Variants in EGR1 observed in about 807,000 individuals in gnomAD.
EGR1 encodes the protein early growth response protein 1.
EGR1 carries 8 observed loss-of-function variants against 30.2 expected under a neutral mutation model. The observed-to-expected ratio is 0.26, with a 90% CI of 0.16 to 0.48. EGR1 has a LOEUF of 0.48. EGR1 is among the 20% of genes least tolerant of loss of function. The pLI is 0.99. For missense variants in EGR1, 568 were observed against 732.3 expected (o/e 0.78, Z 2.59); for synonymous variants, 334 against 312.8 (o/e 1.07, Z -0.72).
Position 138,468,248 on chromosome 5 carries a change from T to G in EGR1, c.*167T>G. 1 of 1,435,378 alleles carries G rather than the reference T, an allele frequency of 7.0e-7. No homozygotes were observed. Among genetic ancestry groups the G allele is most frequent in the South Asian group, 1.2e-5 (1 of 80,756 alleles). 88.9% of individuals were successfully genotyped at this position (1,435,378 alleles called of 1,614,324 possible). ...GAGTGGAAGGTCTATTGGCCAACAA[T>G]CCTTTCTGCCCACTTCCCCTTCCCC... On this transcript the variant is annotated 3_prime_UTR_variant, in exon 2 of 2. Transcript: ENST00000239938.
chr5:138,466,431 G>T (rs1418535001), intron 1 of EGR1, among the ~76,000 whole-genome samples: 3 of 152,232 alleles, frequency 2.0e-5, no homozygotes, highest in Non-Finnish European at 4.4e-5. Context: ...CTTGGCCGTG[G>T]ATGTCCCGGC....
chr5:138,467,883 C>T lies in EGR1; in HGVS notation c.1434C>T (p.Gly478=), dbSNP rs777227296. 4.3e-6 allele frequency: 7 copies of T among 1,613,796 alleles called. No individual in the cohort carries two copies. Among genetic ancestry groups the T allele is most frequent in the East Asian group, 4.5e-5 (2 of 44,874 alleles). ...TGCCCACCTCCTTCTCCTCTCCCGG[C>T]TCCTCGACCTACCCATCCCCTGTGC... ...SPVPTSFSSP[G]SSTYPSPVHS... is the part of the protein sequence containing the mutation. Residue 478 remains glycine (G), a synonymous_variant, in exon 2 of 2, where the codon GGC becomes GGT. Coordinates refer to ENST00000239938, the MANE Select transcript of EGR1 (RefSeq NM_001964.3). This position sits in a 1 kb window ranked among gnomAD's most constrained non-coding sequence, Gnocchi z 8.3.
Position 138,466,986 on chromosome 5 carries a change from C to A in EGR1, c.537C>A (p.Ala179=). 6.2e-7 allele frequency: 1 copy of A among 1,613,976 alleles called. No individual in the cohort carries two copies. Among genetic ancestry groups the A allele is most frequent in the Non-Finnish European group, 8.5e-7 (1 of 1,180,004 alleles). ...CGTCCTCAGCACCATCTCCAGCGGC[C>A]TCCTCCGCCTCCGCCTCCCAGAGCC... The part of the protein sequence containing the change: ...ASSSSAPSPA[A]SSASASQSPP... The change falls in exon 2 of 2, where the codon GCC becomes GCA. Residue 179 remains alanine (A), a synonymous_variant. Coordinates refer to ENST00000239938, the MANE Select transcript of EGR1 (RefSeq NM_001964.3).
rs1350062798 is a variant in EGR1 at position 138,468,090 on chromosome 5, G to C, written c.*9G>C. 6.5e-7 allele frequency: 1 copy of C among 1,548,714 alleles called. No homozygotes were observed. Among genetic ancestry groups the C allele is most frequent in the Non-Finnish European group, 8.7e-7 (1 of 1,149,100 alleles). ...CAATTGAAATTTGCTAAAGGGAAAG[G>C]GGAAAGAAAGGGAAAAGGGAGAAAA... On this transcript the variant is annotated 3_prime_UTR_variant, in exon 2 of 2. Coordinates refer to ENST00000239938, the MANE Select transcript of EGR1 (RefSeq NM_001964.3).
chr5:138,465,723 C>A lies in EGR1; in HGVS notation c.-39C>A. On this transcript the variant is annotated 5_prime_UTR_variant, in exon 1 of 2. Coordinates refer to ENST00000239938, the MANE Select transcript of EGR1 (RefSeq NM_001964.3). ...GCAGCTCCAGCCCCGGGCTGCACCC[C>A]CCCGCCCCGACACCAGCTCTCCAGC... 1 of 1,532,178 alleles carries A rather than the reference C, an allele frequency of 6.5e-7. No homozygotes were observed. Among genetic ancestry groups the A allele is most frequent in the Non-Finnish European group, 8.8e-7 (1 of 1,138,604 alleles). 94.9% of individuals were successfully genotyped at this position (1,532,178 alleles called of 1,614,324 possible). A position where few individuals can be genotyped will look rare whatever the true frequency, so the allele number is the denominator to read the frequency against.
chr5:138,467,715 G>A lies in EGR1; in HGVS notation c.1266G>A (p.Lys422=), dbSNP rs1356931076. 3 of 1,614,100 alleles carry A rather than the reference G, an allele frequency of 1.9e-6. No individual in the cohort carries two copies. ...ATACCAAGATCCACTTGCGGCAGAA[G>A]GACAAGAAAGCAGACAAAAGTGTTG... The part of the protein sequence containing the change: ...KRHTKIHLRQ[K]DKKADKSVVA... Residue 422 remains lysine, a synonymous_variant, in exon 2 of 2, where the codon AAG becomes AAA. Coordinates refer to ENST00000239938, the MANE Select transcript of EGR1 (RefSeq NM_001964.3). This position sits in a 1 kb window ranked among gnomAD's most constrained non-coding sequence, Gnocchi z 8.3.
In EGR1 at chr5:138,468,868, G is replaced by T. The variant is rs202065146; in HGVS notation, c.*787G>T. ...CGTCTTGGTGCCTTTTGTGTGATGC[G>T]CCTTGCTGATGGCTTGACATGTGCA... is the stretch of plus-strand genomic sequence containing the variant. On this transcript the variant is annotated 3_prime_UTR_variant, in exon 2 of 2. Transcript: ENST00000239938. The T allele has an allele frequency of 6.7e-6, 1 of 150,346 alleles. No individual in the cohort carries two copies. The highest frequency in any genetic ancestry group is 2.5e-5 in the African/African-American group (1 of 40,562). The allele number at this position is 150,346 out of a possible 1,614,324, so 9.3% of individuals were successfully genotyped here.
In EGR1 at chr5:138,467,343, G is replaced by T; in HGVS notation, c.894G>T (p.Gln298His). The change falls in exon 2 of 2, where the codon CAG (glutamine) becomes CAT (histidine). Residue 298 changes from glutamine to histidine, a missense_variant. Gln to His is a conservative substitution (Grantham distance 24). This residue lies in a region of EGR1 where 415 missense variants were observed against 445.2 expected (regional missense o/e 0.93). Coordinates refer to ENST00000239938, the MANE Select transcript of EGR1 (RefSeq NM_001964.3). The surrounding 1 kb of genome is among the most constrained non-coding windows in gnomAD (Gnocchi z 8.3). ...PLSTIKAFAT[Q>H]SGSQDLKALN... is the part of the protein sequence containing the mutation. ...CTACTATTAAGGCCTTTGCCACTCA[G>T]TCGGGCTCCCAGGACCTGAAGGCCC... 3 of 1,614,168 alleles carry T rather than the reference G, an allele frequency of 1.9e-6. No individual in the cohort carries two copies. Among genetic ancestry groups the T allele is most frequent in the Non-Finnish European group, 2.5e-6 (3 of 1,180,032 alleles).
rs368822967 is a variant in EGR1 at position 138,468,702 on chromosome 5, T to C, written c.*621T>C. On this transcript the variant is annotated 3_prime_UTR_variant, in exon 2 of 2. Transcript: ENST00000239938. ...CAGCAGTCCCAGTATTCTCAGAGCA[T>C]GTGTCAGAGTGTTGTTCCGTTAACC... 1 of 153,986 alleles carries C rather than the reference T, an allele frequency of 6.5e-6. No individual in the cohort carries two copies. 9.5% of individuals were successfully genotyped at this position (153,986 alleles called of 1,614,324 possible). A position where few individuals can be genotyped will look rare whatever the true frequency, so the allele number is the denominator to read the frequency against.
chr5:138,467,809 G>C lies in EGR1; in HGVS notation c.1360G>C (p.Val454Leu), dbSNP rs763286707. 6.2e-7 allele frequency: 1 copy of C among 1,612,838 alleles called. No homozygotes were observed. The highest frequency in any genetic ancestry group is 8.5e-7 in the Non-Finnish European group (1 of 1,179,798). ...SPVATSYPSP[V>L]TTSYPSPATT... ...GGTTGCTACCTCTTACCCGTCCCCGGTTACTACCTCTTATCCATCCCCGGC... is the reference window on the plus strand; with the variant it reads ...GGTTGCTACCTCTTACCCGTCCCCGCTTACTACCTCTTATCCATCCCCGGC... The change falls in exon 2 of 2, where the codon GTT (valine) becomes CTT (leucine). Residue 454 changes from valine to leucine, a missense_variant. This residue lies in a region of EGR1 where 118 missense variants were observed against 161.6 expected (regional missense o/e 0.73). Coordinates refer to ENST00000239938, the MANE Select transcript of EGR1 (RefSeq NM_001964.3). The surrounding 1 kb of genome is among the most constrained non-coding windows in gnomAD (Gnocchi z 8.3).
At position 138,465,817 on chromosome 5, in the gene EGR1, C is replaced by G. The variant is rs751640347; in HGVS notation, c.56C>G (p.Pro19Arg). 1 of 1,613,946 alleles carries G rather than the reference C, an allele frequency of 6.2e-7. No homozygotes were observed. The highest frequency in any genetic ancestry group is 8.5e-7 in the Non-Finnish European group (1 of 1,179,834). ...QLMSPLQISD[P>R]FGSFPHSPTM... ...ATGTCCCCGCTGCAGATCTCTGACC[C>G]GTTCGGATCCTTTCCTCACTCGCCC... is the stretch of plus-strand genomic sequence containing the variant. Residue 19 changes from proline (P) to arginine (R), a missense_variant, in exon 1 of 2, where the codon CCG becomes CGG. By Grantham distance (103) the Pro-to-Arg change is moderately radical. Transcript: ENST00000239938.
chr5:138,466,001 C>T lies in EGR1; in HGVS notation c.240C>T (p.Ser80=). ...GCGGCGGGGGCGGCAGCAACAGCAG[C>T]AGCAGCAGCAGCACCTTCAACCCTC... ...GGGGGGGSNS[S]SSSSTFNPQA... is the part of the protein sequence containing the mutation. Residue 80 remains serine, a synonymous_variant, in exon 1 of 2, where the codon AGC becomes AGT. Transcript: ENST00000239938. 6.2e-7 allele frequency: 1 copy of T among 1,608,336 alleles called. No individual in the cohort carries two copies. Among genetic ancestry groups the T allele is most frequent in the South Asian group, 1.1e-5 (1 of 90,588 alleles).
chr5:138,467,351 C>T lies in EGR1; in HGVS notation c.902C>T (p.Ser301Phe). The part of the protein sequence containing the change: ...TIKAFATQSG[S>F]QDLKALNTSY... ...AAGGCCTTTGCCACTCAGTCGGGCT[C>T]CCAGGACCTGAAGGCCCTCAATACC... Residue 301 changes from serine (S) to phenylalanine (F), a missense_variant, in exon 2 of 2, where the codon TCC (serine) becomes TTC (phenylalanine). By Grantham distance (155) the Ser-to-Phe change is radical. Coordinates refer to ENST00000239938, the MANE Select transcript of EGR1 (RefSeq NM_001964.3). The surrounding 1 kb of genome is among the most constrained non-coding windows in gnomAD (Gnocchi z 8.3). 1 of 1,614,204 alleles carries T rather than the reference C, an allele frequency of 6.2e-7. No homozygotes were observed. Among genetic ancestry groups the T allele is most frequent in the Non-Finnish European group, 8.5e-7 (1 of 1,180,042 alleles).
chr5:138,467,129 G>T lies in EGR1; in HGVS notation c.680G>T (p.Gly227Val), dbSNP rs957347240. 4 of 1,613,410 alleles carry T rather than the reference G, an allele frequency of 2.5e-6. No homozygotes were observed. The highest frequency in any genetic ancestry group is 2.5e-6 in the Non-Finnish European group (3 of 1,179,958). Residue 227 changes from glycine to valine, a missense_variant, in exon 2 of 2, where the codon GGC becomes GTC. Transcript: ENST00000239938. The surrounding 1 kb of genome is among the most constrained non-coding windows in gnomAD (Gnocchi z 8.3). Reference protein sequence around the residue: ...FPEPQSQAFPGSAGTALQYPP... With the variant: ...FPEPQSQAFPVSAGTALQYPP... ...GAGCCACAAAGCCAGGCCTTCCCGG[G>T]CTCGGCAGGGACAGCGCTCCAGTAC...
In EGR1 at chr5:138,466,996, T is replaced by G. The variant is rs767254414; in HGVS notation, c.547T>G (p.Ser183Ala). The G allele has an allele frequency of 4.3e-6, 7 of 1,613,712 alleles. No homozygotes were observed. The highest frequency in any genetic ancestry group is 1.3e-5 in the African/African-American group (1 of 74,814). ...ACCATCTCCAGCGGCCTCCTCCGCC[T>G]CCGCCTCCCAGAGCCCACCCCTGAG... is the stretch of plus-strand genomic sequence containing the variant. The part of the protein sequence containing the change: ...SAPSPAASSA[S>A]ASQSPPLSCA... The change falls in exon 2 of 2, where the codon TCC becomes GCC. Residue 183 changes from serine to alanine, a missense_variant. Around this residue, in one of 4 missense-constraint regions of EGR1, gnomAD observed 415 missense variants for 445.2 expected, o/e 0.93. Transcript: ENST00000239938.
Position 138,467,310 on chromosome 5 carries a change from C to T in EGR1, c.861C>T (p.Thr287=), listed in dbSNP as rs1580992133. The T allele has an allele frequency of 2.5e-6, 4 of 1,614,148 alleles. No homozygotes were observed. The highest frequency in any genetic ancestry group is 3.4e-6 in the Non-Finnish European group (4 of 1,180,034). ...GCCGCACCCAGCAGCCTTCGCTAAC[C>T]CCTCTGTCTACTATTAAGGCCTTTG... ...LESRTQQPSL[T]PLSTIKAFAT... Residue 287 remains threonine (T), a synonymous_variant, in exon 2 of 2, where the codon ACC becomes ACT. Coordinates refer to ENST00000239938, the MANE Select transcript of EGR1 (RefSeq NM_001964.3). The surrounding 1 kb of genome is among the most constrained non-coding windows in gnomAD (Gnocchi z 8.3).
Position 138,467,670 on chromosome 5 carries a change from G to A in EGR1, c.1221G>A (p.Arg407=), listed in dbSNP as rs1764175926. The part of the protein sequence containing the change: ...ACDICGRKFA[R]SDERKRHTKI... The stretch of plus-strand genomic sequence containing the variant: ...ACATCTGTGGAAGAAAGTTTGCCAG[G>A]AGCGATGAACGCAAGAGGCATACCA... The change falls in exon 2 of 2, where the codon AGG becomes AGA. Residue 407 remains arginine (R), a synonymous_variant. Coordinates refer to ENST00000239938, the MANE Select transcript of EGR1 (RefSeq NM_001964.3). The surrounding 1 kb of genome is among the most constrained non-coding windows in gnomAD (Gnocchi z 8.3). The A allele has an allele frequency of 1.2e-6, 2 of 1,614,188 alleles. No individual in the cohort carries two copies. Among genetic ancestry groups the A allele is most frequent in the East Asian group, 2.2e-5 (1 of 44,882 alleles).
rs200874249 is a variant in EGR1 at position 138,468,221 on chromosome 5, T to C, written c.*140T>C. 2.0e-6 allele frequency: 3 copies of C among 1,508,018 alleles called. No individual in the cohort carries two copies. The highest frequency in any genetic ancestry group is 2.7e-6 in the Non-Finnish European group (3 of 1,122,486). The allele number at this position is 1,508,018 out of a possible 1,614,324, so 93.4% of individuals were successfully genotyped here. A position where few individuals can be genotyped will look rare whatever the true frequency, so the allele number is the denominator to read the frequency against. On this transcript the variant is annotated 3_prime_UTR_variant, in exon 2 of 2. Coordinates refer to ENST00000239938, the MANE Select transcript of EGR1 (RefSeq NM_001964.3). ...TCAGAGCCAAGTCCTCCCTCTCTAC[T>C]GGAGTGGAAGGTCTATTGGCCAACA...
chr5:138,469,215 G>A lies in EGR1; in HGVS notation c.*1134G>A, dbSNP rs1361469609. ...TTGTGTTTGCTTAAACAAAGTGACT[G>A]TTTGGCTTATAAACACATTGAATGC... On this transcript the variant is annotated 3_prime_UTR_variant, in exon 2 of 2. Transcript: ENST00000239938. 6.6e-6 allele frequency: 1 copy of A among 152,114 alleles called. No homozygotes were observed. Among genetic ancestry groups the A allele is most frequent in the Non-Finnish European group, 1.5e-5 (1 of 68,020 alleles). 9.4% of individuals were successfully genotyped at this position (152,114 alleles called of 1,614,324 possible). A position where few individuals can be genotyped will look rare whatever the true frequency, so the allele number is the denominator to read the frequency against.
Sources: gnomAD v4.1 joint callset for allele counts (sites outside exome capture counted in the v4.1 genomes callset) on GRCh38, gnomAD v4.1.1 for gene constraint, gnomAD v4.1.1 regional missense constraint, Gnocchi (gnomAD v3.1) non-coding constraint, MANE v1.5 for transcripts, NCBI Gene and HGNC (gene_info 2026-07-23, HGNC 2026-07-21) for gene names.